ASPHD2: variants seen among roughly 807,000 people sequenced by gnomAD.
ASPHD2 encodes the protein aspartate beta-hydroxylase domain containing 2.
A neutral mutation model predicts 34.6 loss-of-function variants in ASPHD2; 12 were observed. The observed-to-expected ratio is 0.35, with a 90% confidence interval of 0.22 to 0.56. The LOEUF (loss-of-function observed/expected upper bound fraction) is 0.56, where lower values mean the gene tolerates loss of function less well. ASPHD2 is among the 20% of genes least tolerant of loss of function. The pLI, the probability that ASPHD2 is intolerant of heterozygous loss-of-function variation, is 0.87. For synonymous variants in ASPHD2, 224 were observed against 212.2 expected (o/e 1.06, Z -0.48); for missense variants, 375 against 505.0 (o/e 0.74, Z 2.47).
chr22:26,440,170 C>G (rs1268201486), intron 2 of ASPHD2, among the ~76,000 whole-genome samples: 1 of 152,210 alleles, frequency 6.6e-6, no homozygotes, highest in Non-Finnish European at 1.5e-5. Context: ...CCCTTCTTTT[C>G]TGGACATCAA....
chr22:26,443,332 T>C lies in ASPHD2; in HGVS notation c.*126T>C, dbSNP rs967812327. On this transcript the variant is annotated 3_prime_UTR_variant, in exon 4 of 4. Transcript: ENST00000215906. ...ACCTGCCTCAGCGGAAAGCTCTTATTTGGGATTTTATATCATGTCGGGTCC... is the reference window on the plus strand; with the variant it reads ...ACCTGCCTCAGCGGAAAGCTCTTATCTGGGATTTTATATCATGTCGGGTCC... The C allele has an allele frequency of 1.2e-5, 9 of 762,870 alleles. No homozygotes were observed. Among genetic ancestry groups the C allele is most frequent in the Middle Eastern group, 2.5e-4 (1 of 4,050 alleles). The allele number at this position is 762,870 out of a possible 1,614,324, so 47.3% of individuals were successfully genotyped here. A position where few individuals can be genotyped will look rare whatever the true frequency, so the allele number is the denominator to read the frequency against.
chr22:26,442,093 G>C (rs1275324398), intron 2 of ASPHD2, among the ~76,000 whole-genome samples: 9 of 126,802 alleles, frequency 7.1e-5, no homozygotes, highest in African/African-American at 1.6e-4. Context: ...GCAACAGAGA[G>C]AGACTCCATT....
chr22:26,435,790 A>T (rs2084788943), intron 2 of ASPHD2, among the ~76,000 whole-genome samples: 1 of 152,206 alleles, frequency 6.6e-6, no homozygotes, highest in South Asian at 2.1e-4. Flanking sequence ...AGCAATTGAC[A>T]TGGTAGGAAT....
rs950464172 is a variant in ASPHD2, at chr22:26,429,444, G to A, written c.-267G>A. 7 of 148,958 alleles carry A rather than the reference G, an allele frequency of 4.7e-5. No homozygotes were observed. The East Asian group carries it at 1.4e-3, about 29-fold the overall frequency. The allele number at this position is 148,958 out of a possible 1,614,324, so 9.2% of individuals were successfully genotyped here. ...CGCGGGTCCGCGCCCTCGGGCGGCG[G>A]CGTCTCCTGGGTCCCGGCAGCCGTC... On this transcript the variant is annotated 5_prime_UTR_variant, in exon 1 of 4. Transcript: ENST00000215906. The surrounding 1 kb of genome is among the most constrained non-coding windows in gnomAD (Gnocchi z 4.5).
intron 1 of ASPHD2, among the ~76,000 whole-genome samples, chr22:26,432,569 A>T (rs1169843636): frequency 6.6e-6 from 1 of 152,208 alleles, no homozygotes; most frequent in African/African-American, 2.4e-5. Flanking sequence ...GGACAATGAG[A>T]GTTCCGGGCT....
intron 2 of ASPHD2, among the ~76,000 whole-genome samples, chr22:26,437,963 A>G (rs2084802494): frequency 6.6e-6 from 1 of 152,230 alleles, no homozygotes; most frequent in South Asian, 2.1e-4. Flanking sequence ...CTCTTCTGCC[A>G]ACTAAGCTGG....
intron 2 of ASPHD2, among the ~76,000 whole-genome samples, chr22:26,436,035 G>GGA (rs2084790436): frequency 6.6e-6 from 1 of 152,210 alleles, no homozygotes; most frequent in South Asian, 2.1e-4. Context: ...TTGATGAATG[G>GGA]GAGCTAGTAG....
chr22:26,443,171 C>G lies in ASPHD2; in HGVS notation c.1075C>G (p.Gln359Glu), dbSNP rs567864544. The part of the protein sequence containing the change: ...WHPNVAAAER[Q>E]ALDFIFAPGR ...TCCAAACGTCGCAGCGGCCGAACGG[C>G]AGGCTCTTGATTTCATCTTTGCTCC... Residue 359 changes from glutamine to glutamate, a missense_variant, in exon 4 of 4, where the codon CAG (glutamine) becomes GAG (glutamate). By Grantham distance (29) the Gln-to-Glu change is conservative. This residue lies in a region of ASPHD2 where 142 missense variants were observed against 217.9 expected (regional missense o/e 0.65). Transcript: ENST00000215906. 11 of 1,614,016 alleles carry G rather than the reference C, an allele frequency of 6.8e-6. No individual in the cohort carries two copies. The highest frequency in any genetic ancestry group is 8.5e-6 in the Non-Finnish European group (10 of 1,180,032).
Position 26,438,711 on chromosome 22 carries a change from G to A in ASPHD2, c.887-3748G>A, listed in dbSNP as rs955834342. 6.0e-5 allele frequency among the ~76,000 whole-genome samples: 9 copies of A among 150,440 alleles called. No individual in the cohort carries two copies. In the South Asian group the frequency reaches 1.9e-3, roughly 31 times the overall value. ...CACACACACATATATATATAAAGGG[G>A]AGTTTATTAAGTATTAACCCACATG... On this transcript the variant is annotated intron_variant, in intron 2 of 3. Transcript: ENST00000215906.
Position 26,434,479 on chromosome 22 carries a change from C to T in ASPHD2, c.864C>T (p.Asn288=), listed in dbSNP as rs1269336167. The T allele has an allele frequency of 6.3e-7, 1 of 1,591,586 alleles. No individual in the cohort carries two copies. Among genetic ancestry groups the T allele is most frequent in the South Asian group, 1.1e-5 (1 of 90,208 alleles). Reference sequence around the variant, plus strand: ...TAACGGAGCACTATGGACCCACCAACATCCGCATCCGATGCCATTTAGGTA... The same window carrying T: ...TAACGGAGCACTATGGACCCACCAATATCCGCATCCGATGCCATTTAGGTA... ...TVITEHYGPT[N]IRIRCHLGLK... Residue 288 remains asparagine, a synonymous_variant, in exon 2 of 4, where the codon AAC becomes AAT. Transcript: ENST00000215906.
intron 1 of ASPHD2, among the ~76,000 whole-genome samples, chr22:26,432,190 C>T (rs997927098): frequency 5.9e-5 from 9 of 152,156 alleles, no homozygotes; most frequent in South Asian, 2.1e-4. Flanking sequence ...AGTGAAACTC[C>T]GTCTCAAAAG....
At chr22:26,439,277 T>C (rs1568984363) in intron 2 of ASPHD2, among the ~76,000 whole-genome samples, 1 of 152,066 alleles carries the variant, frequency 6.6e-6, no homozygotes, top group Non-Finnish European at 1.5e-5. Flanking sequence ...TGCACACTTG[T>C]AATCCCAGCT....
chr22:26,436,059 C>T (rs552894062), intron 2 of ASPHD2, among the ~76,000 whole-genome samples: 1 of 152,340 alleles, frequency 6.6e-6, no homozygotes, highest in East Asian at 1.9e-4. Context: ...TTATCAAGGA[C>T]TGTGTTGGAC....
rs916339059 is a variant in ASPHD2 at position 26,444,094 on chromosome 22, G to A, written c.*888G>A. 6.6e-6 allele frequency: 1 copy of A among 152,214 alleles called. No individual in the cohort carries two copies. Among genetic ancestry groups the A allele is most frequent in the Non-Finnish European group, 1.5e-5 (1 of 68,050 alleles). The allele number at this position is 152,214 out of a possible 1,614,324, so 9.4% of individuals were successfully genotyped here. On this transcript the variant is annotated 3_prime_UTR_variant, in exon 4 of 4. Transcript: ENST00000215906. Reference sequence around the variant, plus strand: ...CAGTGATGAACGTTAAGGCCACCAGGTTGGCTGATAGGAGCTGTAGGGGGA... The same window carrying A: ...CAGTGATGAACGTTAAGGCCACCAGATTGGCTGATAGGAGCTGTAGGGGGA...
intron 2 of ASPHD2, among the ~76,000 whole-genome samples, chr22:26,438,986 C>CAGA (rs1326495560): frequency 6.6e-6 from 1 of 152,178 alleles, no homozygotes; most frequent in Admixed American, 6.5e-5. Context: ...CCCACTGACT[C>CAGA]AGATGTTAAT....
chr22:26,437,831 G>A (rs371166492), intron 2 of ASPHD2, among the ~76,000 whole-genome samples: 1 of 152,050 alleles, frequency 6.6e-6, no homozygotes, highest in Non-Finnish European at 1.5e-5. Flanking sequence ...TTCAGGGCTC[G>A]GTAGGGACAG....
chr22:26,442,620 T>C (rs1785635691), intron 3 of ASPHD2, 48 bp downstream of exon 3: 1 of 1,441,760 alleles, frequency 6.9e-7, no homozygotes. Context: ...AATAGACTTT[T>C]ATTTTTTTAG....
Position 26,443,319 on chromosome 22 carries a change from G to T in ASPHD2, c.*113G>T, listed in dbSNP as rs1326639516. 1 of 835,006 alleles carries T rather than the reference G, an allele frequency of 1.2e-6. No individual in the cohort carries two copies. The highest frequency in any genetic ancestry group is 1.9e-6 in the Non-Finnish European group (1 of 512,830). 51.7% of individuals were successfully genotyped at this position (835,006 alleles called of 1,614,324 possible). A position where few individuals can be genotyped will look rare whatever the true frequency, so the allele number is the denominator to read the frequency against. ...TCCATGCTCAGAAACCTGCCTCAGC[G>T]GAAAGCTCTTATTTGGGATTTTATA... On this transcript the variant is annotated 3_prime_UTR_variant, in exon 4 of 4. Coordinates refer to ENST00000215906, the MANE Select transcript of ASPHD2 (RefSeq NM_020437.5).
chr22:26,444,562 C>T lies in ASPHD2; in HGVS notation c.*1356C>T, dbSNP rs2084893963. ...AGCCGGCCAGCCACACTAGAGATGCCTTTTCTGAATAATGTATTATGAGCA... is the reference window on the plus strand; with the variant it reads ...AGCCGGCCAGCCACACTAGAGATGCTTTTTCTGAATAATGTATTATGAGCA... On this transcript the variant is annotated 3_prime_UTR_variant, in exon 4 of 4. Transcript: ENST00000215906. 6.6e-6 allele frequency: 1 copy of T among 152,218 alleles called. No homozygotes were observed. Among genetic ancestry groups the T allele is most frequent in the South Asian group, 2.1e-4 (1 of 4,832 alleles). 9.4% of individuals were successfully genotyped at this position (152,218 alleles called of 1,614,324 possible). A position where few individuals can be genotyped will look rare whatever the true frequency, so the allele number is the denominator to read the frequency against.
Sources: allele counts gnomAD v4.1 joint callset (sites outside exome capture counted in the v4.1 genomes callset), GRCh38; gene constraint gnomAD v4.1.1; regional missense constraint gnomAD v4.1.1; non-coding constraint Gnocchi (gnomAD v3.1); transcripts MANE v1.5; gene names NCBI Gene and HGNC (gene_info 2026-07-23, HGNC 2026-07-21).